CPAMD8: variants seen among roughly 807,000 people sequenced by gnomAD.
CPAMD8 encodes C3 and PZP like alpha-2-macroglobulin domain containing 8.
Under a neutral mutation model 224.7 loss-of-function variants are expected in CPAMD8, and 146 were observed. That is an observed-to-expected ratio of 0.65 (90% confidence interval 0.57 to 0.75). CPAMD8 has a LOEUF of 0.75. CPAMD8 is among the 30% of genes least tolerant of loss of function. The probability of loss-of-function intolerance (pLI) is 0.00; values close to 1 mark genes in which losing one functional copy is unlikely to be tolerated. For missense variants in CPAMD8, 2,301 were observed against 2,537.5 expected, an observed-to-expected ratio of 0.91 and a Z score of 2.00; for synonymous variants, 966 against 1,044.6, an observed-to-expected ratio of 0.92 and a Z score of 1.45.
intron 1 of CPAMD8, 87 bp downstream of exon 1, chr19:17,026,464 G>C: frequency 7.5e-7 from 1 of 1,331,344 alleles, no homozygotes; most frequent in South Asian, 1.6e-5. Flanking sequence ...TGTGGCCTTG[G>C]GCAGGTCGCT....
intron 20 of CPAMD8, among the ~76,000 whole-genome samples, chr19:16,948,177 T>C (rs928029932): frequency 3.9e-5 from 6 of 152,220 alleles, no homozygotes; most frequent in African/African-American, 1.4e-4. Flanking sequence ...CCAGCATATA[T>C]GGAGCACCTA....
At chr19:17,017,112 T>C (rs1335304058) in intron 3 of CPAMD8, among the ~76,000 whole-genome samples, 2 of 152,070 alleles carry the variant, frequency 1.3e-5, no homozygotes, top group Non-Finnish European at 2.9e-5. Flanking sequence ...ATCAGATCAG[T>C]GGTGGCATTA....
At chr19:17,000,933 C>G (rs1227592248) in intron 9 of CPAMD8, among the ~76,000 whole-genome samples, 1 of 152,200 alleles carries the variant, frequency 6.6e-6, no homozygotes, top group East Asian at 1.9e-4. Context: ...GAATGGGACT[C>G]AAACTACCCT....
intron 23 of CPAMD8, among the ~76,000 whole-genome samples, chr19:16,933,732 G>A (rs1175975270): frequency 6.6e-6 from 1 of 152,186 alleles, no homozygotes; most frequent in African/African-American, 2.4e-5. Context: ...CTCACATACT[G>A]CAGGTGGGAA....
intron 19 of CPAMD8, among the ~76,000 whole-genome samples, chr19:16,954,107 A>G (rs2054385604): frequency 1.3e-5 from 2 of 152,284 alleles, no homozygotes; most frequent in Middle Eastern, 3.4e-3. Context: ...TATCCCTTTG[A>G]GACCCTGCTT....
chr19:17,004,858 C>T (rs2056440640), intron 7 of CPAMD8, among the ~76,000 whole-genome samples: 1 of 151,956 alleles, frequency 6.6e-6, no homozygotes, highest in Non-Finnish European at 1.5e-5. Context: ...GTACCAATGC[C>T]CCCCACAATA....
chr19:16,905,569 G>GAAAAAAAAAAAAAA (rs397955787), intron 30 of CPAMD8, among the ~76,000 whole-genome samples: 3 of 92,696 alleles, frequency 3.2e-5, no homozygotes, highest in African/African-American at 8.0e-5. Context: ...AGGAAGAAAA[G>GAAAAAAAAAAAAAA]AAAAAAAAAA....
chr19:16,934,993 C>A (rs1238530657), intron 23 of CPAMD8, among the ~76,000 whole-genome samples: 3 of 152,150 alleles, frequency 2.0e-5, no homozygotes, highest in Non-Finnish European at 4.4e-5. Context: ...CCTCCCCCAG[C>A]CTCTTGTAAA....
chr19:16,925,470 C>G, intron 25 of CPAMD8, 98 bp from the exon 26 acceptor site: 1 of 966,320 alleles, frequency 1.0e-6, no homozygotes, highest in Non-Finnish European at 1.6e-6. Context: ...GAGTGTCATG[C>G]AGTCAGCCAC....
intron 22 of CPAMD8, among the ~76,000 whole-genome samples, chr19:16,939,734 G>A (rs1777723282): frequency 6.6e-6 from 1 of 152,048 alleles, no homozygotes; most frequent in Non-Finnish European, 1.5e-5. Context: ...TCCACTCTCT[G>A]CCCAACTGCT....
chr19:16,983,371 C>T (rs1410828311), intron 13 of CPAMD8, among the ~76,000 whole-genome samples: 1 of 151,848 alleles, frequency 6.6e-6, no homozygotes, highest in Non-Finnish European at 1.5e-5. Context: ...TGCACTCCAG[C>T]CTGGGTGACA....
intron 18 of CPAMD8, 41 bp downstream of exon 18, chr19:16,970,850 G>T: frequency 6.3e-7 from 1 of 1,599,524 alleles, no homozygotes; most frequent in Non-Finnish European, 8.6e-7. Flanking sequence ...ATGTTAATAG[G>T]ACCAGGGTTA....
chr19:16,997,304 C>G lies in CPAMD8; in HGVS notation c.902G>C (p.Arg301Thr). 3.2e-6 allele frequency: 5 copies of G among 1,583,518 alleles called. No homozygotes were observed. The highest frequency in any genetic ancestry group is 4.3e-6 in the Non-Finnish European group (5 of 1,159,778). ...LGSRDFDICV[R>T]DMIPADVPEH... ...AGGGACGTCCGCTGGGATCATGTCC[C>G]TCACGCAGATGTCGAAGTCCCGGGA... Residue 301 changes from arginine to threonine, a missense_variant, in exon 11 of 42, where the codon AGG (arginine) becomes ACG (threonine). This residue lies in a region of CPAMD8 where 301 missense variants were observed against 406.6 expected (regional missense o/e 0.74). Coordinates refer to ENST00000443236, the MANE Select transcript of CPAMD8 (RefSeq NM_015692.5).
chr19:16,987,565 T>C (rs980432574), intron 13 of CPAMD8, among the ~76,000 whole-genome samples: 5 of 152,152 alleles, frequency 3.3e-5, no homozygotes, highest in Admixed American at 1.3e-4. Flanking sequence ...GTAGCTTACA[T>C]TATTGTAAGA....
chr19:16,924,887 C>T (rs578104550), intron 26 of CPAMD8, among the ~76,000 whole-genome samples: 1 of 151,486 alleles, frequency 6.6e-6, no homozygotes, highest in South Asian at 2.1e-4. Flanking sequence ...GCCTGGCCTT[C>T]TCTTTTATTT....
In CPAMD8 at chr19:16,898,016, A is replaced by C; in HGVS notation, c.4849-22T>G. On this transcript the variant is annotated intron_variant, in intron 37 of 41. Coordinates refer to ENST00000443236, the MANE Select transcript of CPAMD8 (RefSeq NM_015692.5). The surrounding 1 kb of genome is among the most constrained non-coding windows in gnomAD (Gnocchi z 4.2). ...GGATCTGTGGGGCAGCGGCGGGCGCAGGCTCGACCCGGGCCAGGAGGCCCG... is the reference window on the plus strand; with the variant it reads ...GGATCTGTGGGGCAGCGGCGGGCGCCGGCTCGACCCGGGCCAGGAGGCCCG... 6.3e-7 allele frequency: 1 copy of C among 1,584,932 alleles called. No homozygotes were observed. The highest frequency in any genetic ancestry group is 1.3e-5 in the African/African-American group (1 of 74,416).
chr19:16,893,566 G>A, intron 41 of CPAMD8: 3 of 461,606 alleles, frequency 6.5e-6, no homozygotes, highest in Non-Finnish European at 1.2e-5. Flanking sequence ...CGGAGAAGAT[G>A]GGCAAATGCA....
At chr19:16,905,569 GAAAAAAAAAA>G (rs397955787) in intron 30 of CPAMD8, among the ~76,000 whole-genome samples, 1 of 92,702 alleles carries the variant, frequency 1.1e-5, no homozygotes, top group Admixed American at 1.2e-4. Flanking sequence ...AGGAAGAAAA[GAAAAAAAAAA>G]AAAAAAAGAA....
intron 22 of CPAMD8, among the ~76,000 whole-genome samples, chr19:16,944,914 C>A (rs183412155): frequency 6.6e-6 from 1 of 152,102 alleles, no homozygotes; most frequent in Non-Finnish European, 1.5e-5. Context: ...CCAAATGGAG[C>A]CTCAGTAGGG....
Sources: gnomAD v4.1 joint callset for allele counts (sites outside exome capture counted in the v4.1 genomes callset) on GRCh38, gnomAD v4.1.1 for gene constraint, gnomAD v4.1.1 regional missense constraint, Gnocchi (gnomAD v3.1) non-coding constraint, MANE v1.5 for transcripts, NCBI Gene and HGNC (gene_info 2026-07-23, HGNC 2026-07-21) for gene names.